CCSER1: variants seen among roughly 807,000 people sequenced by gnomAD.
CCSER1 encodes coiled-coil serine rich protein 1, also known as serine-rich coiled-coil domain-containing protein 1.
CCSER1 carries 41 observed loss-of-function variants against 82.0 expected under a neutral mutation model. The observed-to-expected ratio is 0.50, with a 90% CI of 0.39 to 0.65. The LOEUF is 0.65. Among genes scored for constraint, CCSER1 ranks in the 30% least tolerant of loss-of-function variants. CCSER1 has a pLI of 0.00. For missense variants in CCSER1, 1,119 were observed against 1,064.2 expected, an observed-to-expected ratio of 1.05 and a Z score of -0.72; for synonymous variants, 414 against 383.9, an observed-to-expected ratio of 1.08 and a Z score of -0.92.
chr4:91,143,928 A>G (rs1488621211), intron 10 of CCSER1, among the ~76,000 whole-genome samples: 3 of 152,030 alleles, frequency 2.0e-5, no homozygotes, highest in South Asian at 2.1e-4. Context: ...ATATTAGCCT[A>G]TAGTTTCCTT....
chr4:90,734,635 A>T (rs1160413422), intron 7 of CCSER1, among the ~76,000 whole-genome samples: 1 of 152,122 alleles, frequency 6.6e-6, no homozygotes, highest in Non-Finnish European at 1.5e-5. Context: ...TTCCGTTGGG[A>T]TATAGAAATG....
chr4:90,329,405 C>A (rs575422431), intron 3 of CCSER1, among the ~76,000 whole-genome samples: 1 of 152,142 alleles, frequency 6.6e-6, no homozygotes, highest in African/African-American at 2.4e-5. Context: ...TTATCAATAA[C>A]GTGTCAAAAC....
intron 5 of CCSER1, among the ~76,000 whole-genome samples, chr4:90,532,818 T>C (rs1057508525): frequency 2.6e-5 from 4 of 152,162 alleles, no homozygotes; most frequent in Non-Finnish European, 5.9e-5. Flanking sequence ...TACAAATAGA[T>C]CGACTTGTAC....
chr4:90,500,058 G>T (rs1410841115), intron 5 of CCSER1, among the ~76,000 whole-genome samples: 1 of 152,062 alleles, frequency 6.6e-6, no homozygotes, highest in Non-Finnish European at 1.5e-5. Flanking sequence ...TTCTGTTCCA[G>T]TCACCATTTT....
chr4:90,289,750 T>C (rs1378282409), intron 1 of CCSER1, among the ~76,000 whole-genome samples: 1 of 151,890 alleles, frequency 6.6e-6, no homozygotes, highest in Admixed American at 6.6e-5. Context: ...TTAAAACACT[T>C]TACCTAATTT....
intron 4 of CCSER1, among the ~76,000 whole-genome samples, chr4:90,432,986 G>A (rs531601465): frequency 6.6e-6 from 1 of 152,060 alleles, no homozygotes; most frequent in Admixed American, 6.6e-5. Context: ...TTCCTACTTT[G>A]CTTATACCTA....
chr4:90,715,597 G>A (rs973996699), intron 6 of CCSER1, among the ~76,000 whole-genome samples: 5 of 152,012 alleles, frequency 3.3e-5, no homozygotes, highest in Admixed American at 3.3e-4. Context: ...GATACCAGGA[G>A]GAAAGAGGAT....
chr4:90,828,444 A>G (rs575577427), intron 8 of CCSER1, among the ~76,000 whole-genome samples: 2 of 152,166 alleles, frequency 1.3e-5, no homozygotes, highest in Non-Finnish European at 2.9e-5. Flanking sequence ...CTAAATCCAA[A>G]CAGCATGATT....
chr4:90,209,291 T>TAGGG (rs1232580164), intron 1 of CCSER1, among the ~76,000 whole-genome samples: 1 of 152,196 alleles, frequency 6.6e-6, no homozygotes, highest in African/African-American at 2.4e-5. Flanking sequence ...AGTCAAGCCT[T>TAGGG]GCACAGAGGA....
chr4:90,309,219 GA>G lies in CCSER1; in HGVS notation c.937del (p.Thr313LeufsTer14). ...AVTKTTTELT[G>X]TVPCAIMSPG... ...ACAAAGACAACAACAGAACTTACGG[GA>G]ACTGTTCCCTGTGCAATTATGTCTC... On this transcript the variant is annotated frameshift_variant, in exon 2 of 11. Transcript: ENST00000509176. LOFTEE classifies it high-confidence loss of function. 6.2e-7 allele frequency: 1 copy of G among 1,613,908 alleles called. No homozygotes were observed. The highest frequency in any genetic ancestry group is 8.5e-7 in the Non-Finnish European group (1 of 1,179,842).
chr4:90,710,504 G>T (rs2149322262), intron 6 of CCSER1, among the ~76,000 whole-genome samples: 1 of 152,176 alleles, frequency 6.6e-6, no homozygotes, highest in South Asian at 2.1e-4. Context: ...GTTAATTTTT[G>T]TATATGGTGT....
Position 91,188,038 on chromosome 4 carries a change from A to T in CCSER1, c.2217+102044A>T, listed in dbSNP as rs182903030. Among the ~76,000 whole-genome samples, 320 of 152,138 alleles carry T rather than the reference A, an allele frequency of 2.1e-3. 5 individuals carry two copies. Among genetic ancestry groups the T allele is most frequent in the Admixed American group, 0.018 (274 of 15,266 alleles). On this transcript the variant is annotated intron_variant, in intron 10 of 10. Transcript: ENST00000509176. Reference sequence around the variant, plus strand: ...ATATTTACAGCAGTTCCAGAGTCCAAGATTAAAAGAAAATTGTTTAGCTAA... The same window carrying T: ...ATATTTACAGCAGTTCCAGAGTCCATGATTAAAAGAAAATTGTTTAGCTAA...
chr4:91,037,259 TACATAC>T (rs1741524873), intron 9 of CCSER1, among the ~76,000 whole-genome samples: 2 of 70,324 alleles, frequency 2.8e-5, no homozygotes, highest in Non-Finnish European at 3.5e-5. Flanking sequence ...CACACACACA[TACATAC>T]ACACACACAC....
chr4:91,502,577 T>A (rs1759267610), intron 10 of CCSER1, among the ~76,000 whole-genome samples: 2 of 152,128 alleles, frequency 1.3e-5, no homozygotes, highest in South Asian at 4.1e-4. Context: ...GTTGATGAAG[T>A]TGAAGCACTA....
intron 9 of CCSER1, among the ~76,000 whole-genome samples, chr4:90,962,209 C>T (rs1323917817): frequency 6.6e-6 from 1 of 151,896 alleles, no homozygotes; most frequent in African/African-American, 2.4e-5. Flanking sequence ...TTCACATCTC[C>T]TCAAACATTA....
chr4:90,496,198 C>T (rs541715775), intron 5 of CCSER1, among the ~76,000 whole-genome samples: 1 of 152,264 alleles, frequency 6.6e-6, no homozygotes, highest in South Asian at 2.1e-4. Context: ...ACAGAATGGC[C>T]TCAGTTTCTA....
chr4:91,553,572 AT>A (rs35414901), intron 10 of CCSER1, among the ~76,000 whole-genome samples: 90,508 of 149,744 alleles, frequency 0.6, 27,854 homozygotes, highest in African/African-American at 0.67. Context: ...ACTTACGGGA[AT>A]TTTTTTTTTG....
intron 5 of CCSER1, among the ~76,000 whole-genome samples, chr4:90,567,159 GTTTTTCTAGTATCCTGA>G (rs1045503103): frequency 6.6e-6 from 1 of 151,396 alleles, no homozygotes; most frequent in Non-Finnish European, 1.5e-5. Flanking sequence ...GTCTTTTCTT[GTTTTTCTAGTATCCTGA>G]TTTTCAACAT....
At chr4:90,588,417 T>G (rs186325880) in intron 5 of CCSER1, among the ~76,000 whole-genome samples, 1 of 152,316 alleles carries the variant, frequency 6.6e-6, no homozygotes, top group East Asian at 1.9e-4. Flanking sequence ...ACATTTTCCT[T>G]CTTCATTTAT....
Sources: gnomAD v4.1 joint callset for allele counts (sites outside exome capture counted in the v4.1 genomes callset) on GRCh38, gnomAD v4.1.1 for gene constraint, MANE v1.5 for transcripts, NCBI Gene and HGNC (gene_info 2026-07-23, HGNC 2026-07-21) for gene names.